SYDE2: variants seen among roughly 807,000 people sequenced by gnomAD.
The protein encoded by SYDE2 is synapse defective Rho GTPase homolog 2.
SYDE2 carries 76 observed loss-of-function variants against 91.5 expected under a neutral mutation model. That is an observed-to-expected ratio of 0.83 (90% CI 0.69 to 1.01). The LOEUF (loss-of-function observed/expected upper bound fraction) is 1.01. Among genes scored for constraint, SYDE2 ranks in the 50% least tolerant of loss-of-function variants. The pLI is 0.00. For missense variants in SYDE2, 1,364 were observed against 1,367.7 expected, an observed-to-expected ratio of 1.00 and a Z score of 0.04; for synonymous variants, 513 against 506.4, an observed-to-expected ratio of 1.01 and a Z score of -0.18.
At chr1:85,194,279 C>T (rs962650389) in intron 1 of SYDE2, among the ~76,000 whole-genome samples, 1 of 150,784 alleles carries the variant, frequency 6.6e-6, no homozygotes, top group Admixed American at 6.6e-5. Context: ...ACCATATTAG[C>T]ATAAATTTAA....
chr1:85,199,287 A>G (rs1658716744), intron 1 of SYDE2, among the ~76,000 whole-genome samples: 1 of 152,198 alleles, frequency 6.6e-6, no homozygotes, highest in South Asian at 2.1e-4. Context: ...TTTATATGTA[A>G]GAGTATTCAA....
chr1:85,183,168 C>T lies in SYDE2; in HGVS notation c.1474G>A (p.Glu492Lys). The T allele has an allele frequency of 6.3e-7, 1 of 1,590,494 alleles. No homozygotes were observed. The highest frequency in any genetic ancestry group is 1.4e-5 in the African/African-American group (1 of 73,518). The change falls in exon 3 of 7, where the codon GAA becomes AAA. Residue 492 changes from glutamate (E) to lysine (K), a missense_variant. Coordinates refer to ENST00000341460, the MANE Select transcript of SYDE2 (RefSeq NM_032184.2). ...SGILAATNST[E>K]LGIMEPSSPN... The stretch of plus-strand genomic sequence containing the variant: ...GAAGATGGTTCCATAATTCCCAATT[C>T]AGTACTATTTGTAGCAGCCAGGATC...
At position 85,172,271 on chromosome 1, in the gene SYDE2, C is replaced by T. The variant is rs76235449; in HGVS notation, c.2672-3046G>A. ...TCTCTGTGAAGTTAGGAGGCAAGGT[C>T]GTCTGCTAAGAGTGACATGGGTGAA... On this transcript the variant is annotated intron_variant, in intron 4 of 6. Transcript: ENST00000341460. 1.4e-4 allele frequency among the ~76,000 whole-genome samples: 21 copies of T among 152,118 alleles called. No homozygotes were observed. The East Asian group carries it at 3.7e-3, about 27-fold the overall frequency.
In SYDE2 at chr1:85,197,147, C is replaced by T. The variant is rs866238433; in HGVS notation, c.745+3105G>A. ...AATCTTAAGGCTTGCAGAAACTTGA[C>T]AATTTTTATTATGTGTAATGACTTT... is the stretch of plus-strand genomic sequence containing the variant. On this transcript the variant is annotated intron_variant, in intron 1 of 6. Coordinates refer to ENST00000341460, the MANE Select transcript of SYDE2 (RefSeq NM_032184.2). Among the ~76,000 whole-genome samples the T allele has an allele frequency of 8.5e-5, 13 of 152,254 alleles. No homozygotes were observed. The South Asian group carries it at 1.9e-3, about 22-fold the overall frequency.
chr1:85,162,357 C>A (rs1268789638), intron 6 of SYDE2, among the ~76,000 whole-genome samples: 1 of 152,124 alleles, frequency 6.6e-6, no homozygotes, highest in Non-Finnish European at 1.5e-5. Flanking sequence ...CTAGTCTTTG[C>A]CACATTCTCT....
intron 6 of SYDE2, among the ~76,000 whole-genome samples, chr1:85,164,184 A>C (rs1266244122): frequency 2.0e-5 from 3 of 152,232 alleles, no homozygotes; most frequent in Non-Finnish European, 4.4e-5. Flanking sequence ...ATAAAAATCT[A>C]TAAACATATT....
At chr1:85,160,953 A>AT in intron 6 of SYDE2, 1 of 980,416 alleles carries the variant, frequency 1.0e-6, no homozygotes, top group Non-Finnish European at 1.2e-6. Context: ...TTAAACTGAT[A>AT]TTTTATATCT....
chr1:85,187,497 C>T (rs1265490563), intron 2 of SYDE2, among the ~76,000 whole-genome samples: 3 of 151,108 alleles, frequency 2.0e-5, no homozygotes, highest in Non-Finnish European at 4.4e-5. Context: ...ACCATTTGAC[C>T]CAGCCATCCC....
intron 6 of SYDE2, among the ~76,000 whole-genome samples, chr1:85,163,424 A>T (rs1489650585): frequency 7.4e-6 from 1 of 135,840 alleles, no homozygotes; most frequent in Non-Finnish European, 1.6e-5. Flanking sequence ...GATGAAATCA[A>T]GCATTCTCTT....
chr1:85,174,814 A>G (rs1399307674), intron 4 of SYDE2, among the ~76,000 whole-genome samples: 1 of 152,240 alleles, frequency 6.6e-6, no homozygotes. Flanking sequence ...TGACATCTAC[A>G]TGCAATCTAG....
rs817443 is a variant in SYDE2 at position 85,182,937 on chromosome 1, C to T, written c.1705G>A (p.Val569Ile). ...PSLSKYNCRE[V>I]HHTDILPSGN... ...GAGGGCAGAATATCAGTATGATGAA[C>T]TTCTCGGCAGTTATATTTAGACAAA... is the stretch of plus-strand genomic sequence containing the variant. Residue 569 changes from valine (V) to isoleucine (I), a missense_variant, in exon 3 of 7, where the codon GTT (valine) becomes ATT (isoleucine). Val to Ile is a conservative substitution (Grantham distance 29). Coordinates refer to ENST00000341460, the MANE Select transcript of SYDE2 (RefSeq NM_032184.2). 1,608,993 of 1,613,904 alleles carry T rather than the reference C, an allele frequency of 1. 802,169 individuals carry two copies. The highest frequency in any genetic ancestry group is 1 in the East Asian group (44,868 of 44,868).
intron 1 of SYDE2, among the ~76,000 whole-genome samples, chr1:85,197,635 C>CT (rs1658637068): frequency 1.3e-5 from 2 of 151,912 alleles, no homozygotes; most frequent in African/African-American, 4.8e-5. Flanking sequence ...ACAGCAAATG[C>CT]TTTTTTAAAT....
At chr1:85,184,658 G>T (rs545384047) in intron 2 of SYDE2, among the ~76,000 whole-genome samples, 17 of 152,144 alleles carry the variant, frequency 1.1e-4, no homozygotes, top group Admixed American at 9.8e-4. Flanking sequence ...GCAGATAGGA[G>T]TTCAAGACCA....
chr1:85,188,857 G>A (rs1012604626), intron 2 of SYDE2, among the ~76,000 whole-genome samples: 1 of 152,124 alleles, frequency 6.6e-6, no homozygotes, highest in Non-Finnish European at 1.5e-5. Flanking sequence ...CATTTAAATA[G>A]TAATAAAACC....
At chr1:85,165,865 ATTTTTTTTT>A (rs529987571) in intron 5 of SYDE2, among the ~76,000 whole-genome samples, 11 of 94,122 alleles carry the variant, frequency 1.2e-4, no homozygotes, top group Admixed American at 2.4e-4. Flanking sequence ...AAAAACTTTA[ATTTTTTTTT>A]TTTTTTTTTT....
At chr1:85,200,002 C>T (rs1658749937) in intron 1 of SYDE2, 1 of 369,156 alleles carries the variant, frequency 2.7e-6, no homozygotes, top group Non-Finnish European at 3.7e-6. Context: ...ACTGGTTTTT[C>T]GAGAAGAAAT....
intron 1 of SYDE2, chr1:85,194,889 G>A (rs1010859646): frequency 2.2e-5 from 21 of 964,650 alleles, no homozygotes; most frequent in South Asian, 9.6e-5. Context: ...GGCTGGGCGC[G>A]GTGGCTCACG....
At chr1:85,154,941 G>A (rs189757500), downstream of SYDE2, among the ~76,000 whole-genome samples, 726 of 148,792 alleles carry the variant, frequency 4.9e-3, 4 homozygotes, top group Non-Finnish European at 7.0e-3. Flanking sequence ...CACCCTTTCT[G>A]GGGGAAAAAA....
rs1372761048 is a variant in SYDE2 at position 85,156,975 on chromosome 1, T to A, written c.*1775A>T. 6.6e-6 allele frequency: 1 copy of A among 152,038 alleles called. No homozygotes were observed. Among genetic ancestry groups the A allele is most frequent in the Non-Finnish European group, 1.5e-5 (1 of 67,946 alleles). 9.4% of individuals were successfully genotyped at this position (152,038 alleles called of 1,614,324 possible). A position where few individuals can be genotyped will look rare whatever the true frequency, so the allele number is the denominator to read the frequency against. ...ACTGAGACAGCTTTCCTATAAAACA[T>A]TCAAGAGTACTTTCCTTTGACTGTT... On this transcript the variant is annotated 3_prime_UTR_variant, in exon 7 of 7. Transcript: ENST00000341460.
Sources: gnomAD v4.1 joint callset for allele counts (sites outside exome capture counted in the v4.1 genomes callset) on GRCh38, gnomAD v4.1.1 for gene constraint, MANE v1.5 for transcripts, NCBI Gene and HGNC (gene_info 2026-07-23, HGNC 2026-07-21) for gene names.